The following ECT2 variants were observed in gnomAD, a reference collection of about 807,000 sequenced individuals.
The protein encoded by ECT2 is protein ECT2.
A neutral mutation model predicts 116.9 loss-of-function variants in ECT2; 61 were observed. The observed-to-expected ratio is 0.52, with a 90% CI of 0.42 to 0.65. The LOEUF (loss-of-function observed/expected upper bound fraction) is 0.65. Among genes scored for constraint, ECT2 ranks in the 30% least tolerant of loss-of-function variants. The pLI is 0.00. For synonymous variants in ECT2, 358 were observed against 346.4 expected (o/e 1.03, Z -0.37); for missense variants, 937 against 1,078.7 (o/e 0.87, Z 1.84).
At position 172,808,012 on chromosome 3, in the gene ECT2, T is replaced by C. The variant is rs1728087899; in HGVS notation, c.2400+88T>C. ...ACCTGTACATTTTTAATGACTTGTTTATTATGAATGGAGAGTTTTAGTTTT... is the reference window on the plus strand; with the variant it reads ...ACCTGTACATTTTTAATGACTTGTTCATTATGAATGGAGAGTTTTAGTTTT... On this transcript the variant is annotated intron_variant, in intron 22 of 24. Transcript: ENST00000392692. The C allele has an allele frequency of 2.3e-6, 3 of 1,276,824 alleles. No individual in the cohort carries two copies. The East Asian group carries it at 7.4e-5, about 32-fold the overall frequency. The allele number at this position is 1,276,824 out of a possible 1,614,324, so 79.1% of individuals were successfully genotyped here. A position where few individuals can be genotyped will look rare whatever the true frequency, so the allele number is the denominator to read the frequency against.
chr3:172,796,536 C>A (rs1169395968), intron 18 of ECT2: 1 of 152,040 alleles, frequency 6.6e-6, no homozygotes, highest in Admixed American at 6.5e-5. Flanking sequence ...TCATTGGCTA[C>A]GATACTGCCA....
chr3:172,781,463 A>G (rs1427450678), intron 14 of ECT2, among the ~76,000 whole-genome samples: 1 of 152,226 alleles, frequency 6.6e-6, no homozygotes, highest in Non-Finnish European at 1.5e-5. Flanking sequence ...GAAACTTTAG[A>G]GAGTCTTTAG....
rs1728059453 is a variant in ECT2, at chr3:172,807,830, T to C, written c.2306T>C (p.Leu769Pro). The change falls in exon 22 of 25, where the codon CTC becomes CCC. Residue 769 changes from leucine (L) to proline (P), a missense_variant. Transcript: ENST00000392692. Reference sequence around the variant, plus strand: ...CCAACAGAGCAGGCAAATGTGCTACTCAGTTTCCAGATGACATCAGATGAA... The same window carrying C: ...CCAACAGAGCAGGCAAATGTGCTACCCAGTTTCCAGATGACATCAGATGAA... ...RPPTEQANVL[L>P]SFQMTSDELP... 1.9e-6 allele frequency: 3 copies of C among 1,613,858 alleles called. No individual in the cohort carries two copies. The highest frequency in any genetic ancestry group is 2.5e-6 in the Non-Finnish European group (3 of 1,179,882).
At chr3:172,824,592 A>G (rs1201281009), downstream of ECT2, among the ~76,000 whole-genome samples, 1 of 152,206 alleles carries the variant, frequency 6.6e-6, no homozygotes, top group South Asian at 2.1e-4. Flanking sequence ...AACCATATCA[A>G]TATGCAATAC....
At chr3:172,772,155 C>T (rs1268764360) in intron 13 of ECT2, among the ~76,000 whole-genome samples, 1 of 152,060 alleles carries the variant, frequency 6.6e-6, no homozygotes, top group East Asian at 1.9e-4. Context: ...CATGTGCCAC[C>T]ACACCCAGCT....
At chr3:172,795,572 TTAG>T (rs1725492646) in intron 18 of ECT2, among the ~76,000 whole-genome samples, 1 of 152,180 alleles carries the variant, frequency 6.6e-6, no homozygotes, top group Non-Finnish European at 1.5e-5. Context: ...AGGTTCTTAC[TTAG>T]GTAAATATCT....
At chr3:172,806,355 CAT>C (rs1214214291) in intron 21 of ECT2, among the ~76,000 whole-genome samples, 1 of 151,980 alleles carries the variant, frequency 6.6e-6, no homozygotes, top group East Asian at 1.9e-4. Flanking sequence ...GATATGGAGT[CAT>C]ATGTGTATTA....
intron 13 of ECT2, among the ~76,000 whole-genome samples, chr3:172,769,487 G>A (rs1720209557): frequency 6.6e-6 from 1 of 152,008 alleles, no homozygotes; most frequent in African/African-American, 2.4e-5. Flanking sequence ...TGAAAGTATG[G>A]GTTCTGAGAG....
chr3:172,777,622 G>T (rs1721977671), intron 14 of ECT2, among the ~76,000 whole-genome samples: 1 of 152,130 alleles, frequency 6.6e-6, no homozygotes, highest in Non-Finnish European at 1.5e-5. Context: ...CTCTTAGCTT[G>T]GCACAGTGGC....
chr3:172,773,529 A>G (rs1721052711), intron 13 of ECT2, among the ~76,000 whole-genome samples: 1 of 152,222 alleles, frequency 6.6e-6, no homozygotes, highest in African/African-American at 2.4e-5. Flanking sequence ...TAAAACATTT[A>G]GCACATATAT....
chr3:172,827,027 A>G, the ECT2 span, among the ~76,000 whole-genome samples: 16 of 152,368 alleles, frequency 1.1e-4, no homozygotes, highest in Non-Finnish European at 1.8e-4. Flanking sequence ...GCCAACACAT[A>G]TATGAATAAA....
chr3:172,789,791 T>C (rs1331686810), intron 18 of ECT2, among the ~76,000 whole-genome samples: 1 of 152,208 alleles, frequency 6.6e-6, no homozygotes, highest in Non-Finnish European at 1.5e-5. Flanking sequence ...AGCAGCTTTT[T>C]TATCTGTTTG....
chr3:172,786,137 G>C lies in ECT2; in HGVS notation c.1826-356G>C, dbSNP rs190858954. Among the ~76,000 whole-genome samples, 280 of 152,242 alleles carry C rather than the reference G, an allele frequency of 1.8e-3. 3 individuals carry two copies. Among genetic ancestry groups the C allele is most frequent in the South Asian group, 3.1e-3 (15 of 4,832 alleles). ...CTCTGTGATGTAGCCATGGGCCCCA[G>C]TATGAAATACAAAATACATTATGAT... On this transcript the variant is annotated intron_variant, in intron 17 of 24. Coordinates refer to ENST00000392692, the MANE Select transcript of ECT2 (RefSeq NM_001258315.2).
At chr3:172,755,878 A>G (rs1161075888) in intron 4 of ECT2, among the ~76,000 whole-genome samples, 1 of 152,254 alleles carries the variant, frequency 6.6e-6, no homozygotes, top group African/African-American at 2.4e-5. Context: ...TAGGGCTGCC[A>G]TAACAAAATA....
At chr3:172,828,587 A>T in the ECT2 span, 1 of 190,196 alleles carries the variant, frequency 5.3e-6, no homozygotes, top group African/African-American at 2.4e-5. Context: ...CAGCCTATTC[A>T]ATAAATGGTG....
At chr3:172,773,555 G>A (rs532989102) in intron 13 of ECT2, among the ~76,000 whole-genome samples, 12 of 152,300 alleles carry the variant, frequency 7.9e-5, no homozygotes, top group Non-Finnish European at 1.8e-4. Context: ...ATGTCTGGAG[G>A]CAGCAGATTG....
intron 14 of ECT2, among the ~76,000 whole-genome samples, chr3:172,776,229 A>G (rs1164595372): frequency 2.0e-5 from 2 of 101,908 alleles, no homozygotes; most frequent in African/African-American, 4.2e-5. Context: ...TTTGTCATCT[A>G]GGCTGGAGTG....
At chr3:172,821,653 A>G (rs1730692107), downstream of ECT2, among the ~76,000 whole-genome samples, 2 of 152,012 alleles carry the variant, frequency 1.3e-5, no homozygotes, top group East Asian at 3.9e-4. Flanking sequence ...TTAATCTGGA[A>G]TCTACTTTGA....
intron 18 of ECT2, among the ~76,000 whole-genome samples, chr3:172,794,824 C>T (rs1271309418): frequency 6.6e-6 from 1 of 152,100 alleles, no homozygotes. Flanking sequence ...AAGTGATTCC[C>T]CAGCGTCAGC....
Sources: allele counts gnomAD v4.1 joint callset (sites outside exome capture counted in the v4.1 genomes callset), GRCh38; gene constraint gnomAD v4.1.1; transcripts MANE v1.5; gene names NCBI Gene and HGNC (gene_info 2026-07-23, HGNC 2026-07-21).